Variants in TUFT1 observed in about 807,000 individuals in gnomAD.
TUFT1 encodes tuftelin 1, also known as tuftelin.
Under a neutral mutation model 57.8 loss-of-function variants are expected in TUFT1, and 43 were observed. The observed-to-expected ratio is 0.74, with a 90% CI of 0.58 to 0.96. The LOEUF (loss-of-function observed/expected upper bound fraction) is 0.96, where lower values mean the gene tolerates loss of function less well. Among genes scored for constraint, TUFT1 ranks in the 40% least tolerant of loss-of-function variants. The pLI, the probability that TUFT1 is intolerant of heterozygous loss-of-function variation, is 0.00. For missense variants in TUFT1, 459 were observed against 489.0 expected (o/e 0.94, Z 0.58); for synonymous variants, 166 against 176.7 (o/e 0.94, Z 0.48).
At chr1:151,541,646 G>T (rs1665172223) in intron 1 of TUFT1, among the ~76,000 whole-genome samples, 1 of 152,120 alleles carries the variant, frequency 6.6e-6, no homozygotes, top group African/African-American at 2.4e-5. Context: ...TGGTCATTTA[G>T]TTCTTTTCCC....
At chr1:151,575,076 G>A (rs1666419080) in intron 9 of TUFT1, 71 bp downstream of exon 9, 1 of 1,366,714 alleles carries the variant, frequency 7.3e-7, no homozygotes, top group Non-Finnish European at 1.0e-6. Flanking sequence ...ACAGCCTGTT[G>A]CTCCTGTGGT....
intron 1 of TUFT1, among the ~76,000 whole-genome samples, chr1:151,548,897 G>A (rs1665427349): frequency 6.6e-6 from 1 of 151,390 alleles, no homozygotes; most frequent in Non-Finnish European, 1.5e-5. Context: ...ATGAGCCTGT[G>A]GTGTGAGAAC....
At chr1:151,567,671 G>T (rs1402166304) in intron 6 of TUFT1, among the ~76,000 whole-genome samples, 1 of 151,972 alleles carries the variant, frequency 6.6e-6, no homozygotes, top group Non-Finnish European at 1.5e-5. Flanking sequence ...TCAGCGTACT[G>T]AGTAGCTGGG....
At chr1:151,577,483 A>G (rs1666510126) in intron 9 of TUFT1, among the ~76,000 whole-genome samples, 1 of 152,174 alleles carries the variant, frequency 6.6e-6, no homozygotes, top group African/African-American at 2.4e-5. Context: ...AATGTGACCA[A>G]ATATAACAAA....
chr1:151,540,566 T>TTTTATTCTTTTGCCTGCGAC, intron 1 of TUFT1, 140 bp downstream of exon 1: 1 of 918,100 alleles, frequency 1.1e-6, no homozygotes, highest in Non-Finnish European at 1.7e-6. Flanking sequence ...GCTTCTCTCT[T>TTTTATTCTTTTGCCTGCGAC]TTTATTCTTT....
At chr1:151,553,271 T>C (rs537637672) in intron 1 of TUFT1, among the ~76,000 whole-genome samples, 1 of 152,266 alleles carries the variant, frequency 6.6e-6, no homozygotes, top group South Asian at 2.1e-4. Context: ...TTTCTATTTG[T>C]AGTAGAGATG....
chr1:151,574,433 T>A (rs1250262616), intron 8 of TUFT1, 35 bp downstream of exon 8: 2 of 1,612,328 alleles, frequency 1.2e-6, no homozygotes, highest in Non-Finnish European at 1.7e-6. Context: ...GTGCCTGGAC[T>A]CCTGGGCTGG....
intron 1 of TUFT1, among the ~76,000 whole-genome samples, chr1:151,547,260 G>A (rs945658316): frequency 6.6e-6 from 1 of 152,214 alleles, no homozygotes; most frequent in South Asian, 2.1e-4. Context: ...TGAGCGAGGA[G>A]AGTTACCTCA....
At chr1:151,559,261 A>G (rs538358318) in intron 1 of TUFT1, among the ~76,000 whole-genome samples, 4 of 152,346 alleles carry the variant, frequency 2.6e-5, no homozygotes, top group African/African-American at 4.8e-5. Flanking sequence ...GTGGCATACA[A>G]CAGCTCTTGA....
In TUFT1 at chr1:151,564,511, C is replaced by G. The variant is rs763004715; in HGVS notation, c.325-14C>G. The G allele has an allele frequency of 6.2e-7, 1 of 1,608,250 alleles. No individual in the cohort carries two copies. Among genetic ancestry groups the G allele is most frequent in the East Asian group, 2.2e-5 (1 of 44,842 alleles). ...TCTACCCTAAAGCTCAAGTTTCTTC[C>G]CCTCCCCTCCCAGGCCAGGAACTGC... On this transcript the variant is annotated splice_polypyrimidine_tract_variant and intron_variant, in intron 4 of 12. Transcript: ENST00000368849.
chr1:151,571,584 T>G (rs1666252283), intron 7 of TUFT1, among the ~76,000 whole-genome samples: 1 of 152,116 alleles, frequency 6.6e-6, no homozygotes, highest in African/African-American at 2.4e-5. Context: ...ACAATTTGTA[T>G]AATTTAGTTG....
rs1666582399 is a variant in TUFT1, at chr1:151,579,657, T to C, written c.933T>C (p.Asn311=). The C allele has an allele frequency of 2.5e-6, 4 of 1,613,918 alleles. No homozygotes were observed. The highest frequency in any genetic ancestry group is 2.5e-6 in the Non-Finnish European group (3 of 1,179,934). ...KVRQMIEQLQ[N]SKAVIQSKDA... ...CTCCCACACCTTTGCAGCTCCAGAA[T>C]TCAAAAGCTGTGATCCAGTCAAAGG... Residue 311 remains asparagine (N), a synonymous_variant, in exon 11 of 13, where the codon AAT becomes AAC. Coordinates refer to ENST00000368849, the MANE Select transcript of TUFT1 (RefSeq NM_020127.3).
intron 3 of TUFT1, 151 bp downstream of exon 3, chr1:151,562,837 A>G (rs1665940797): frequency 3.0e-6 from 2 of 663,290 alleles, no homozygotes; most frequent in South Asian, 1.8e-5. Context: ...TCTCCTAGAA[A>G]TATCTTAATT....
intron 3 of TUFT1, 32 bp downstream of exon 3, chr1:151,562,718 T>C (rs1237815184): frequency 2.6e-6 from 4 of 1,563,928 alleles, no homozygotes; most frequent in Non-Finnish European, 2.6e-6. Flanking sequence ...CTTTTCTCCC[T>C]GTCCTCTTCC....
intron 1 of TUFT1, among the ~76,000 whole-genome samples, chr1:151,544,480 A>G (rs1314239694): frequency 6.6e-6 from 1 of 152,220 alleles, no homozygotes; most frequent in Non-Finnish European, 1.5e-5. Context: ...TACTTTTACT[A>G]GAGATGGGGT....
At chr1:151,555,275 G>T (rs1665653333) in intron 1 of TUFT1, among the ~76,000 whole-genome samples, 1 of 149,876 alleles carries the variant, frequency 6.7e-6, no homozygotes, top group African/African-American at 2.5e-5. Context: ...GGTGTGGTGA[G>T]CCAAGATTGT....
intron 1 of TUFT1, 74 bp from the exon 2 acceptor site, chr1:151,562,017 C>G: frequency 6.6e-7 from 1 of 1,516,234 alleles, no homozygotes; most frequent in Non-Finnish European, 9.1e-7. Context: ...CAGAAGCACC[C>G]CTGTACTGGT....
intron 1 of TUFT1, among the ~76,000 whole-genome samples, chr1:151,554,695 C>CTTTTTTTTTTTTTTTTT (rs771656418): frequency 1.2e-5 from 1 of 85,652 alleles, no homozygotes; most frequent in African/African-American, 5.1e-5. Flanking sequence ...GCCCGGCCCC[C>CTTTTTTTTTTTTTTTTT]TTTTTTTTTT....
At chr1:151,557,815 A>G in intron 1 of TUFT1, 1 of 755,898 alleles carries the variant, frequency 1.3e-6, no homozygotes, top group Non-Finnish European at 2.4e-6. Flanking sequence ...GCGGACAGAG[A>G]TAACCTACAG....
Sources: allele counts gnomAD v4.1 joint callset (sites outside exome capture counted in the v4.1 genomes callset), GRCh38; gene constraint gnomAD v4.1.1; transcripts MANE v1.5; gene names NCBI Gene and HGNC (gene_info 2026-07-23, HGNC 2026-07-21).